The following KCNQ1 variants were observed in gnomAD, a reference collection of about 807,000 sequenced individuals.
KCNQ1 encodes the protein potassium voltage-gated channel subfamily KQT member 1.
In KCNQ1, 49 loss-of-function variants were observed where a neutral mutation model predicts 72.4. That is an observed-to-expected ratio of 0.68 (90% confidence interval 0.54 to 0.86). The LOEUF is 0.86. Among genes scored for constraint, KCNQ1 ranks in the 40% least tolerant of loss-of-function variants. The probability of loss-of-function intolerance (pLI) is 0.00; values close to 1 mark genes in which losing one functional copy is unlikely to be tolerated. For synonymous variants in KCNQ1, 450 were observed against 412.6 expected (o/e 1.09, Z -1.10); for missense variants, 790 against 945.1 (o/e 0.84, Z 2.15).
In KCNQ1 at chr11:2,626,338, A is replaced by C. The variant is rs1427145456; in HGVS notation, c.1394-35623A>C. On this transcript the variant is annotated intron_variant, in intron 10 of 15. Coordinates refer to ENST00000155840, the MANE Select transcript of KCNQ1 (RefSeq NM_000218.3). This position sits in a 1 kb window ranked among gnomAD's most constrained non-coding sequence, Gnocchi z 4.0. ...TGTATGGTATTAGGTAAGGGTCTCA[A>C]CTTCAGTTATCCTGGCACCATTTGT... The C allele has an allele frequency of 2.5e-6, 1 of 398,472 alleles. No individual in the cohort carries two copies. The highest frequency in any genetic ancestry group is 2.1e-5 in the African/African-American group (1 of 48,620). 24.7% of individuals were successfully genotyped at this position (398,472 alleles called of 1,614,324 possible).
chr11:2,793,824 C>T (rs2134012643), intron 15 of KCNQ1, among the ~76,000 whole-genome samples: 1 of 152,320 alleles, frequency 6.6e-6, no homozygotes, highest in South Asian at 2.1e-4. Context: ...TTAGAATGTA[C>T]AGCCCCATGG....
intron 11 of KCNQ1, among the ~76,000 whole-genome samples, chr11:2,756,372 G>A (rs1307994248): frequency 6.6e-6 from 1 of 151,034 alleles, no homozygotes; most frequent in Non-Finnish European, 1.5e-5. Flanking sequence ...ACAACCATGT[G>A]GGAAGGCTTG....
In KCNQ1 at chr11:2,678,453, A is replaced by G. The variant is rs1011816329; in HGVS notation, c.1514+16372A>G. On this transcript the variant is annotated intron_variant, in intron 11 of 15. Coordinates refer to ENST00000155840, the MANE Select transcript of KCNQ1 (RefSeq NM_000218.3). The surrounding 1 kb of genome is among the most constrained non-coding windows in gnomAD (Gnocchi z 4.9). ...CATCATCATCTCTCTACTAATTTCAACTGCTACCTTTATCATATTTCAAAC... is the reference window on the plus strand; with the variant it reads ...CATCATCATCTCTCTACTAATTTCAGCTGCTACCTTTATCATATTTCAAAC... The G allele has an allele frequency of 2.3e-5, 9 of 398,578 alleles. No homozygotes were observed. Among genetic ancestry groups the G allele is most frequent in the African/African-American group, 6.2e-5 (3 of 48,746 alleles). 24.7% of individuals were successfully genotyped at this position (398,578 alleles called of 1,614,324 possible).
At position 2,670,553 on chromosome 11, in the gene KCNQ1, C is replaced by A. The variant is rs564484977; in HGVS notation, c.1514+8472C>A. 131 of 397,952 alleles carry A rather than the reference C, an allele frequency of 3.3e-4. No homozygotes were observed. Among genetic ancestry groups the A allele is most frequent in the Middle Eastern group, 2.5e-3 (4 of 1,588 alleles). The allele number at this position is 397,952 out of a possible 1,614,324, so 24.7% of individuals were successfully genotyped here. ...AAGCCTCAAGAAGGATAGGGACTTG[C>A]CAGTATCACTGGGAGATAGGAGCAG... On this transcript the variant is annotated intron_variant, in intron 11 of 15. Transcript: ENST00000155840. This position sits in a 1 kb window ranked among gnomAD's most constrained non-coding sequence, Gnocchi z 4.9.
chr11:2,539,244 T>G (rs1847784439), intron 2 of KCNQ1, among the ~76,000 whole-genome samples: 1 of 152,210 alleles, frequency 6.6e-6, no homozygotes, highest in African/African-American at 2.4e-5. Flanking sequence ...GGCTCGTGCC[T>G]GGTGGCAAGT....
intron 7 of KCNQ1, 79 bp downstream of exon 7, chr11:2,583,624 A>T: frequency 1.1e-6 from 1 of 951,592 alleles, no homozygotes; most frequent in Non-Finnish European, 1.7e-6. Flanking sequence ...CCTCCCTGTG[A>T]GCAGACCCAC....
In KCNQ1 at chr11:2,642,496, A is replaced by G. The variant is rs1202383328; in HGVS notation, c.1394-19465A>G. On this transcript the variant is annotated intron_variant, in intron 10 of 15. Coordinates refer to ENST00000155840, the MANE Select transcript of KCNQ1 (RefSeq NM_000218.3). This position sits in a 1 kb window ranked among gnomAD's most constrained non-coding sequence, Gnocchi z 4.3. ...CAGACTGAAGAGTTTTGATTTTTGTATTTCATGGTATGAGTTGTAATATCC... is the reference window on the plus strand; with the variant it reads ...CAGACTGAAGAGTTTTGATTTTTGTGTTTCATGGTATGAGTTGTAATATCC... The G allele has an allele frequency of 2.8e-5, 11 of 397,738 alleles. No homozygotes were observed. Among genetic ancestry groups the G allele is most frequent in the Non-Finnish European group, 4.0e-5 (9 of 225,668 alleles). 24.6% of individuals were successfully genotyped at this position (397,738 alleles called of 1,614,324 possible).
Position 2,508,626 on chromosome 11 carries a change from T to G in KCNQ1, c.387-19302T>G, listed in dbSNP as rs755425357. Among the ~76,000 whole-genome samples the G allele has an allele frequency of 6.6e-6, 1 of 152,136 alleles. No individual in the cohort carries two copies. The highest frequency in any genetic ancestry group is 1.5e-5 in the Non-Finnish European group (1 of 68,004). On this transcript the variant is annotated intron_variant, in intron 1 of 15. Coordinates refer to ENST00000155840, the MANE Select transcript of KCNQ1 (RefSeq NM_000218.3). The surrounding 1 kb of genome is among the most constrained non-coding windows in gnomAD (Gnocchi z 6.2). The stretch of plus-strand genomic sequence containing the variant: ...ACTCCCAGACTAGCAGGTGGGCTTC[T>G]CAGAGCACAGAGGGTGTGGGTGACC...
intron 10 of KCNQ1, chr11:2,615,952 T>G (rs1849055648): frequency 2.5e-6 from 1 of 398,136 alleles, no homozygotes; most frequent in African/African-American, 2.1e-5. Flanking sequence ...ATTCTTCAAG[T>G]GTTTGGTATA....
At chr11:2,716,900 TG>T (rs1851102306) in intron 11 of KCNQ1, among the ~76,000 whole-genome samples, 1 of 152,248 alleles carries the variant, frequency 6.6e-6, no homozygotes, top group Admixed American at 6.5e-5. Flanking sequence ...GACATCACTC[TG>T]GCCCAAGGCC....
intron 12 of KCNQ1, among the ~76,000 whole-genome samples, chr11:2,773,771 A>G (rs11024043): frequency 0.67 from 101,798 of 151,808 alleles, 34,282 homozygotes; most frequent in East Asian, 0.8. Flanking sequence ...AGAAAGGAGA[A>G]TCAAGGCTCA....
At chr11:2,770,184 G>T (rs983740324) in intron 12 of KCNQ1, among the ~76,000 whole-genome samples, 2 of 152,092 alleles carry the variant, frequency 1.3e-5, no homozygotes, top group African/African-American at 4.8e-5. Flanking sequence ...ACACAGGCCC[G>T]CCCACAGTCT....
At position 2,617,419 on chromosome 11, in the gene KCNQ1, G is replaced by A. The variant is rs954001679; in HGVS notation, c.1393+28565G>A. 38 of 398,052 alleles carry A rather than the reference G, an allele frequency of 9.5e-5. No homozygotes were observed. The East Asian group carries it at 1.1e-3, about 12-fold the overall frequency. 24.7% of individuals were successfully genotyped at this position (398,052 alleles called of 1,614,324 possible). ...GTGGCAGGATCTCCTTTTTTAATGC[G>A]GAATAATATTCCATTGTAGACATAC... On this transcript the variant is annotated intron_variant, in intron 10 of 15. Transcript: ENST00000155840. The surrounding 1 kb of genome is among the most constrained non-coding windows in gnomAD (Gnocchi z 4.6).
chr11:2,507,412 G>GT lies in KCNQ1; in HGVS notation c.387-20513dup, dbSNP rs1847123470. ...GGTGGCTGTGGGATGGGACGGCGTG[G>GT]TTTGCTCTAGAGGGTTTGAAGGAAG... On this transcript the variant is annotated intron_variant, in intron 1 of 15. Transcript: ENST00000155840. This position sits in a 1 kb window ranked among gnomAD's most constrained non-coding sequence, Gnocchi z 5.4. Among the ~76,000 whole-genome samples, 3 of 152,230 alleles carry GT rather than the reference G, an allele frequency of 2.0e-5. No homozygotes were observed. In the South Asian group the frequency reaches 6.2e-4, roughly 32 times the overall value.
rs892836848 is a variant in KCNQ1 at position 2,766,115 on chromosome 11, T to C, written c.1515-2729T>C. ...TTACTTTTCTGGAACTTCCTTTTTA[T>C]GTATCTATAAATTTTATTTCTCTGG... On this transcript the variant is annotated intron_variant, in intron 11 of 15. Transcript: ENST00000155840. This position sits in a 1 kb window ranked among gnomAD's most constrained non-coding sequence, Gnocchi z 4.4. 3.3e-5 allele frequency among the ~76,000 whole-genome samples: 5 copies of C among 152,258 alleles called. No individual in the cohort carries two copies. Among genetic ancestry groups the C allele is most frequent in the East Asian group, 1.9e-4 (1 of 5,206 alleles).
At chr11:2,527,870 G>C in intron 1 of KCNQ1, 58 bp from the exon 2 acceptor site, 1 of 1,501,122 alleles carries the variant, frequency 6.7e-7, no homozygotes, top group Non-Finnish European at 9.3e-7. Flanking sequence ...CACTCCCCAG[G>C]TGCATCTGTG....
At chr11:2,531,725 C>T (rs1847636767) in intron 2 of KCNQ1, among the ~76,000 whole-genome samples, 1 of 152,236 alleles carries the variant, frequency 6.6e-6, no homozygotes, top group South Asian at 2.1e-4. Flanking sequence ...TTGCAGTCCC[C>T]TCTGCCTTTT....
chr11:2,595,053 C>T lies in KCNQ1; in HGVS notation c.1393+6199C>T, dbSNP rs1022080465. Among the ~76,000 whole-genome samples the T allele has an allele frequency of 6.6e-6, 1 of 152,126 alleles. No homozygotes were observed. Among genetic ancestry groups the T allele is most frequent in the Admixed American group, 6.5e-5 (1 of 15,274 alleles). ...TACAGGGTGACCCAGTGAACCAATC[C>T]AGGACCTTCATGATCCATGTTTTAG... On this transcript the variant is annotated intron_variant, in intron 10 of 15. Transcript: ENST00000155840. This position sits in a 1 kb window ranked among gnomAD's most constrained non-coding sequence, Gnocchi z 5.0.
Position 2,695,222 on chromosome 11 carries a change from A to G in KCNQ1, c.1514+33141A>G, listed in dbSNP as rs1202970107. On this transcript the variant is annotated intron_variant, in intron 11 of 15. Coordinates refer to ENST00000155840, the MANE Select transcript of KCNQ1 (RefSeq NM_000218.3). This position sits in a 1 kb window ranked among gnomAD's most constrained non-coding sequence, Gnocchi z 5.2. ...CTGTCACCCTGTAAGGGTCTGCATA[A>G]AGTCACCGCTCTCTTCCTCTCCATG... 3 of 398,396 alleles carry G rather than the reference A, an allele frequency of 7.5e-6. No individual in the cohort carries two copies. Among genetic ancestry groups the G allele is most frequent in the African/African-American group, 6.2e-5 (3 of 48,588 alleles). 24.7% of individuals were successfully genotyped at this position (398,396 alleles called of 1,614,324 possible). A position where few individuals can be genotyped will look rare whatever the true frequency, so the allele number is the denominator to read the frequency against.
Sources: gnomAD v4.1 joint callset for allele counts (sites outside exome capture counted in the v4.1 genomes callset) on GRCh38, gnomAD v4.1.1 for gene constraint, Gnocchi (gnomAD v3.1) non-coding constraint, MANE v1.5 for transcripts, NCBI Gene and HGNC (gene_info 2026-07-23, HGNC 2026-07-21) for gene names.